Variants in TONSL observed in about 807,000 individuals in gnomAD.
TONSL encodes tonsoku like, DNA repair protein, also known as tonsoku-like protein.
Under a neutral mutation model 147.1 loss-of-function variants are expected in TONSL, and 112 were observed. The ratio of observed to expected loss-of-function variants is 0.76; its 90% CI spans 0.65 to 0.89. TONSL has a LOEUF of 0.89. TONSL is among the 40% of genes least tolerant of loss of function. The probability of loss-of-function intolerance (pLI) is 0.00; values close to 1 mark genes in which losing one functional copy is unlikely to be tolerated. For synonymous variants in TONSL, 868 were observed against 801.5 expected (o/e 1.08, Z -1.40); for missense variants, 1,883 against 1,864.6 (o/e 1.01, Z -0.18).
At position 144,432,116 on chromosome 8, in the gene TONSL, G is replaced by A. The variant is rs562052298; in HGVS notation, c.3735+169C>T. ...ACTGGGATTACAGGCGTGAGCCACC[G>A]CGCCTGGCCCCCCAGCTGTTTTTTC... is the stretch of plus-strand genomic sequence containing the variant. On this transcript the variant is annotated intron_variant, in intron 23 of 25. Transcript: ENST00000409379. Among the ~76,000 whole-genome samples, 4 of 152,136 alleles carry A rather than the reference G, an allele frequency of 2.6e-5. No individual in the cohort carries two copies. In the South Asian group the frequency reaches 6.2e-4, roughly 24 times the overall value.
At chr8:144,440,935 C>A in intron 8 of TONSL, 31 bp downstream of exon 8, 2 of 1,612,830 alleles carry the variant, frequency 1.2e-6, no homozygotes, top group South Asian at 2.2e-5. Flanking sequence ...CCTCACTGGC[C>A]CTTCCCTCCC....
In TONSL at chr8:144,436,093, C is replaced by G. The variant is rs756351399; in HGVS notation, c.2340G>C (p.Arg780Ser). 1.9e-6 allele frequency: 3 copies of G among 1,567,818 alleles called. No individual in the cohort carries two copies. The highest frequency in any genetic ancestry group is 2.7e-5 in the African/African-American group (2 of 74,060). Residue 780 changes from arginine to serine, a missense_variant, in exon 17 of 26, where the codon AGG becomes AGC. By Grantham distance (110) the Arg-to-Ser change is moderately radical (BLOSUM62 -1). Coordinates refer to ENST00000409379, the MANE Select transcript of TONSL (RefSeq NM_013432.5). ...GGCTGGTGCTGGCTGTGGCTGCTTC[C>G]CTGTTGCTGGCGGGGCCAGGCGTCC... ...AAWTPGPASN[R>S]EAATASTSRA...
chr8:144,433,765 G>A lies in TONSL; in HGVS notation c.3388-6C>T, dbSNP rs115226683. On this transcript the variant is annotated splice_polypyrimidine_tract_variant and splice_region_variant and intron_variant, in intron 21 of 25. Transcript: ENST00000409379. Reference sequence around the variant, plus strand: ...AAGTCCAGCTCCTCCAAACTCTGTGGAAGACACAGGCTGGCAGTGAGCCCC... The same window carrying A: ...AAGTCCAGCTCCTCCAAACTCTGTGAAAGACACAGGCTGGCAGTGAGCCCC... 921 of 1,562,858 alleles carry A rather than the reference G, an allele frequency of 5.9e-4. 6 individuals carry two copies. The African/African-American group carries it at 0.012, about 20-fold the overall frequency.
chr8:144,443,901 T>C lies in TONSL; in HGVS notation c.245A>G (p.Asp82Gly), dbSNP rs900631936. 1 of 1,545,382 alleles carries C rather than the reference T, an allele frequency of 6.5e-7. No individual in the cohort carries two copies. Among genetic ancestry groups the C allele is most frequent in the Non-Finnish European group, 8.7e-7 (1 of 1,146,640 alleles). The change falls in exon 3 of 26, where the codon GAC becomes GGC. Residue 82 changes from aspartate to glycine, a missense_variant. By Grantham distance (94) the Asp-to-Gly change is moderately conservative. Coordinates refer to ENST00000409379, the MANE Select transcript of TONSL (RefSeq NM_013432.5). Reference sequence around the variant, plus strand: ...CCGCACCTGCAAGGCAGCCGGGTAGTCCTCCATCTCGGCCAGGCGCTCTCC... The same window carrying C: ...CCGCACCTGCAAGGCAGCCGGGTAGCCCTCCATCTCGGCCAGGCGCTCTCC... ...KIGERLAEMEDYPAALQHQHQ... is the reference protein window; with the variant it reads ...KIGERLAEMEGYPAALQHQHQ...
rs549387829 is a variant in TONSL, at chr8:144,433,235, C to T, written c.3559+353G>A. The T allele has an allele frequency of 1.0e-4, 20 of 194,070 alleles. No homozygotes were observed. The East Asian group carries it at 3.2e-3, about 31-fold the overall frequency. The allele number at this position is 194,070 out of a possible 1,614,324, so 12.0% of individuals were successfully genotyped here. A position where few individuals can be genotyped will look rare whatever the true frequency, so the allele number is the denominator to read the frequency against. On this transcript the variant is annotated intron_variant, in intron 22 of 25. Coordinates refer to ENST00000409379, the MANE Select transcript of TONSL (RefSeq NM_013432.5). ...AGCTGGGACTACAGGCACCGGCCAC[C>T]ACGCCCAGCTAATTGTATTTTTAAT... is the stretch of plus-strand genomic sequence containing the variant.
chr8:144,433,526 G>C (rs2130842845), intron 22 of TONSL, 62 bp downstream of exon 22: 1 of 1,548,214 alleles, frequency 6.5e-7, no homozygotes, highest in African/African-American at 1.4e-5. Flanking sequence ...CCCTCTGAAA[G>C]TCCTGGAAAC....
In TONSL at chr8:144,440,138, T is replaced by C; in HGVS notation, c.1363A>G (p.Arg455Gly). The change falls in exon 11 of 26, where the codon AGA becomes GGA. Residue 455 changes from arginine to glycine, a missense_variant. Coordinates refer to ENST00000409379, the MANE Select transcript of TONSL (RefSeq NM_013432.5). ...QPQEAPETET[R>G]LRELSVAEDE... ...TCAGCTACACTGAGCTCCCGTAGTC[T>C]GGTTTCGGTCTCAGGGGCCTCCTGG... 4 of 1,611,772 alleles carry C rather than the reference T, an allele frequency of 2.5e-6. No individual in the cohort carries two copies. The highest frequency in any genetic ancestry group is 3.4e-6 in the Non-Finnish European group (4 of 1,179,586).
In TONSL at chr8:144,443,327, T is replaced by C. The variant is rs775121591; in HGVS notation, c.265-6A>G. ...TCCAGGTACTGGTGCTGGTGCTGAGTGTGGAAGGAAGTCACTGCTGTGAGC... is the reference window on the plus strand; with the variant it reads ...TCCAGGTACTGGTGCTGGTGCTGAGCGTGGAAGGAAGTCACTGCTGTGAGC... On this transcript the variant is annotated splice_region_variant and splice_polypyrimidine_tract_variant and intron_variant, in intron 3 of 25. Coordinates refer to ENST00000409379, the MANE Select transcript of TONSL (RefSeq NM_013432.5). 2.0e-5 allele frequency: 31 copies of C among 1,545,750 alleles called. No homozygotes were observed. The highest frequency in any genetic ancestry group is 2.5e-5 in the Non-Finnish European group (29 of 1,143,438).
Position 144,440,481 on chromosome 8 carries a change from A to G in TONSL, c.1165-5T>C. ...GTTCAGCCAGGTCTTGGCCTCCTGG[A>G]GCAGGAGGAAGGACAGGGTCGGGGG... On this transcript the variant is annotated splice_region_variant and splice_polypyrimidine_tract_variant and intron_variant, in intron 9 of 25. Transcript: ENST00000409379. 1 of 1,589,778 alleles carries G rather than the reference A, an allele frequency of 6.3e-7. No homozygotes were observed. The highest frequency in any genetic ancestry group is 8.6e-7 in the Non-Finnish European group (1 of 1,164,484).
chr8:144,430,874 A>T (rs1473842229), intron 24 of TONSL, among the ~76,000 whole-genome samples: 2 of 152,238 alleles, frequency 1.3e-5, no homozygotes, highest in Non-Finnish European at 2.9e-5. Context: ...TGCTCTCAAG[A>T]GCCACAGGCC....
At position 144,438,518 on chromosome 8, in the gene TONSL, C is replaced by T. The variant is rs781352032; in HGVS notation, c.1606G>A (p.Ala536Thr). The part of the protein sequence containing the change: ...NDMGETLLHR[A>T]CIEGQLRRVQ... Reference sequence around the variant, plus strand: ...CGGCGCAGCTGGCCCTCGATGCAGGCTCGGTGCAGCAGGGTCTCCCCCATG... The same window carrying T: ...CGGCGCAGCTGGCCCTCGATGCAGGTTCGGTGCAGCAGGGTCTCCCCCATG... Residue 536 changes from alanine to threonine, a missense_variant, in exon 13 of 26, where the codon GCC becomes ACC. Physicochemically the swap from Ala to Thr is moderately conservative, Grantham distance 58. Coordinates refer to ENST00000409379, the MANE Select transcript of TONSL (RefSeq NM_013432.5). The T allele has an allele frequency of 1.2e-6, 2 of 1,613,148 alleles. No individual in the cohort carries two copies. The highest frequency in any genetic ancestry group is 1.7e-5 in the Admixed American group (1 of 60,016).
Position 144,440,065 on chromosome 8 carries a change from TC to T in TONSL, c.1435del (p.Glu479ArgfsTer22). 1 of 1,573,966 alleles carries T rather than the reference TC, an allele frequency of 6.4e-7. No homozygotes were observed. The highest frequency in any genetic ancestry group is 1.7e-4 in the Middle Eastern group (1 of 5,980). ...EEAEEAAATA[E>X]SEALEAGEVE... ...CTCGCCGGCCTCCAGGGCTTCGCTC[TC>T]CGCTGTGGCTGCCGCCTCCTCCGCC... On this transcript the variant is annotated frameshift_variant, in exon 11 of 26. Transcript: ENST00000409379. LOFTEE classifies it high-confidence loss of function.
chr8:144,429,703 G>A (rs1823097734), intron 25 of TONSL, among the ~76,000 whole-genome samples: 1 of 152,198 alleles, frequency 6.6e-6, no homozygotes, highest in Non-Finnish European at 1.5e-5. Flanking sequence ...TCAGGGAGCT[G>A]GGTGGGAAGG....
In TONSL at chr8:144,428,796, T is replaced by C. The variant is rs529102738; in HGVS notation, c.*347A>G. 5 of 130,134 alleles carry C rather than the reference T, an allele frequency of 3.8e-5. No individual in the cohort carries two copies. The Admixed American group carries it at 4.3e-4, about 11-fold the overall frequency. 8.1% of individuals were successfully genotyped at this position (130,134 alleles called of 1,614,324 possible). On this transcript the variant is annotated 3_prime_UTR_variant, in exon 26 of 26. Transcript: ENST00000409379. ...GGCAGCAGCTTCATTTATTTTATTT[T>C]TTTTTTTTTTTGAGACGGAGTCTCG...
intron 13 of TONSL, among the ~76,000 whole-genome samples, chr8:144,438,051 C>T (rs970011369): frequency 2.0e-5 from 3 of 152,100 alleles, no homozygotes; most frequent in African/African-American, 7.2e-5. Context: ...TACAGGCACA[C>T]GCCATCACAT....
Position 144,428,861 on chromosome 8 carries a change from C to G in TONSL, c.*282G>C. The G allele has an allele frequency of 3.4e-6, 1 of 294,398 alleles. No homozygotes were observed. Among genetic ancestry groups the G allele is most frequent in the Middle Eastern group, 9.5e-4 (1 of 1,052 alleles). 18.2% of individuals were successfully genotyped at this position (294,398 alleles called of 1,614,324 possible). The stretch of plus-strand genomic sequence containing the variant: ...CTGGAGTGCAGTGGTGCGATCTCGG[C>G]TCACTGCAAGCTCCGCCTCCCGGGT... On this transcript the variant is annotated 3_prime_UTR_variant, in exon 26 of 26. Coordinates refer to ENST00000409379, the MANE Select transcript of TONSL (RefSeq NM_013432.5).
chr8:144,440,150 CAG>C lies in TONSL; in HGVS notation c.1349_1350del (p.Pro450ArgfsTer13). The C allele has an allele frequency of 7.4e-6, 12 of 1,611,624 alleles. No individual in the cohort carries two copies. Among genetic ancestry groups the C allele is most frequent in the Non-Finnish European group, 1.0e-5 (12 of 1,179,564 alleles). On this transcript the variant is annotated frameshift_variant, in exon 11 of 26. Transcript: ENST00000409379. LOFTEE classifies it high-confidence loss of function. The stretch of plus-strand genomic sequence containing the variant: ...AGCTCCCGTAGTCTGGTTTCGGTCT[CAG>C]GGGCCTCCTGGGGCTGCAGCCTCAG... ...VQLRLQPQEA[P>X]ETETRLRELS...
chr8:144,441,364 G>A lies in TONSL; in HGVS notation c.866-253C>T, dbSNP rs1823709792. On this transcript the variant is annotated intron_variant, in intron 7 of 25. Coordinates refer to ENST00000409379, the MANE Select transcript of TONSL (RefSeq NM_013432.5). ...TCCTAGGACTTTGGGAGGCCGAGGC[G>A]GGCAGATCATGAGGTCAGGAGATCG... 10 of 477,346 alleles carry A rather than the reference G, an allele frequency of 2.1e-5. 1 individual carries two copies. The South Asian group carries it at 2.2e-4, about 11-fold the overall frequency. 29.6% of individuals were successfully genotyped at this position (477,346 alleles called of 1,614,324 possible). A position where few individuals can be genotyped will look rare whatever the true frequency, so the allele number is the denominator to read the frequency against.
Position 144,442,294 on chromosome 8 carries a change from G to T in TONSL, c.697C>A (p.His233Asn). 1 of 1,599,108 alleles carries T rather than the reference G, an allele frequency of 6.3e-7. No homozygotes were observed. ...TCCATGAACCGCTTCCTCATGGTGT[G>T]CGCACACTCCCGGGCACCCTCCAAG... ...RCLEGARECA[H>N]TMRKRFMESE... is the part of the protein sequence containing the mutation. Residue 233 changes from histidine to asparagine, a missense_variant, in exon 6 of 26, where the codon CAC becomes AAC. By Grantham distance (68) the His-to-Asn change is moderately conservative. Transcript: ENST00000409379.
Sources: gnomAD v4.1 joint callset for allele counts (sites outside exome capture counted in the v4.1 genomes callset) on GRCh38, gnomAD v4.1.1 for gene constraint, MANE v1.5 for transcripts, NCBI Gene and HGNC (gene_info 2026-07-23, HGNC 2026-07-21) for gene names.